Variants in TTN observed in about 807,000 individuals in gnomAD.
TTN encodes connectin.
TTN carries 1,525 observed loss-of-function variants against 3,223.0 expected under a neutral mutation model. The ratio of observed to expected loss-of-function variants is 0.47; its 90% CI spans 0.45 to 0.49. The LOEUF (loss-of-function observed/expected upper bound fraction) is 0.49. Among genes scored for constraint, TTN ranks in the 20% least tolerant of loss-of-function variants. TTN has a pLI of 0.00. For missense variants in TTN, 40,786 were observed against 43,424.0 expected, an observed-to-expected ratio of 0.94 and a Z score of 5.40; for synonymous variants, 14,094 against 15,161.0, an observed-to-expected ratio of 0.93 and a Z score of 5.17.
chr2:178,678,820 C>A lies in TTN; in HGVS notation c.33753G>T (p.Val11251=). The change falls in exon 143 of 363, where the codon GTG becomes GTT. Residue 11251 remains valine, a synonymous_variant. Coordinates refer to ENST00000589042, the MANE Select transcript of TTN (RefSeq NM_001267550.2). ...EKPPPAKVPE[V]PKKPVPEEKV... is the part of the protein sequence containing the mutation. The stretch of plus-strand genomic sequence containing the variant: ...TCTCCTCTGGCACAGGTTTCTTGGG[C>A]ACTTCAGGAACTTCAAAGATATCAA... 1.3e-6 allele frequency: 2 copies of A among 1,592,710 alleles called. No individual in the cohort carries two copies. The highest frequency in any genetic ancestry group is 8.5e-7 in the Non-Finnish European group (1 of 1,172,850).
chr2:178,550,119 C>A lies in TTN; in HGVS notation c.91719G>T (p.Met30573Ile), dbSNP rs756674702. The A allele has an allele frequency of 6.2e-7, 1 of 1,613,732 alleles. No homozygotes were observed. The highest frequency in any genetic ancestry group is 8.5e-7 in the Non-Finnish European group (1 of 1,179,768). ...DGVEIEKRMN[M>I]EITDVLGSTS... ...TGGATCCAAGTACGTCGGTTATTTC[C>A]ATATTCATCCTCTTTTCGATTTCCA... The change falls in exon 337 of 363, where the codon ATG becomes ATT. Residue 30573 changes from methionine (M) to isoleucine (I), a missense_variant. Transcript: ENST00000589042.
rs745660374 is a variant in TTN, at chr2:178,782,298, G to T, written c.3294C>A (p.Ser1098Arg). 13 of 1,613,912 alleles carry T rather than the reference G, an allele frequency of 8.1e-6. No homozygotes were observed. The highest frequency in any genetic ancestry group is 1.1e-5 in the Non-Finnish European group (13 of 1,180,004). ...PVVQKLVEGG[S>R]VVFGCQVGGN... ...CGCCAACTTGGCATCCAAACACCAC[G>T]CTCCCACCTTCCACCAGTTTCTGGA... is the stretch of plus-strand genomic sequence containing the variant. The change falls in exon 20 of 363, where the codon AGC (serine) becomes AGA (arginine). Residue 1098 changes from serine (S) to arginine (R), a missense_variant. Coordinates refer to ENST00000589042, the MANE Select transcript of TTN (RefSeq NM_001267550.2).
rs201802447 is a variant in TTN, at chr2:178,604,106, C to T, written c.54581G>A (p.Gly18194Asp). Residue 18194 changes from glycine (G) to aspartate (D), a missense_variant, in exon 282 of 363, where the codon GGT (glycine) becomes GAT (aspartate). Gly to Asp is a moderately conservative substitution (Grantham distance 94). Coordinates refer to ENST00000589042, the MANE Select transcript of TTN (RefSeq NM_001267550.2). ...CCAGTAGCCAGTAATTGGAGAGCCACCATTGTCCAAAGGAGGAGTCCAGCT... is the reference window on the plus strand; with the variant it reads ...CCAGTAGCCAGTAATTGGAGAGCCATCATTGTCCAAAGGAGGAGTCCAGCT... ...LVSWTPPLDN[G>D]GSPITGYWLE... 118 of 1,612,494 alleles carry T rather than the reference C, an allele frequency of 7.3e-5. No homozygotes were observed. The highest frequency in any genetic ancestry group is 1.6e-4 in the Middle Eastern group (1 of 6,068).
chr2:178,671,934 A>T, intron 155 of TTN, 37 bp downstream of exon 155: 1 of 1,570,988 alleles, frequency 6.4e-7, no homozygotes, highest in Non-Finnish European at 8.6e-7. Context: ...TTAGAGCAAG[A>T]TATAAGAATT....
intron 41 of TTN, 125 bp downstream of exon 41, chr2:178,766,256 C>G (rs1395833372): frequency 1.4e-5 from 11 of 788,568 alleles, no homozygotes; most frequent in Non-Finnish European, 2.4e-5. Flanking sequence ...AAAAATGTAG[C>G]TGGAACCACA....
rs1469438235 is a variant in TTN at position 178,566,924 on chromosome 2, A to T, written c.79208T>A (p.Met26403Lys). 3 of 1,613,672 alleles carry T rather than the reference A, an allele frequency of 1.9e-6. No homozygotes were observed. The Admixed American group carries it at 5.0e-5, about 27-fold the overall frequency. The stretch of plus-strand genomic sequence containing the variant: ...ATCTGGACGGTTCCAACAGACGGTC[A>T]TGGAGTCTTTGGCAATATTTGTGAC... ...LEVTNIAKDSMTVCWNRPDSD... is the reference protein window; with the variant it reads ...LEVTNIAKDSKTVCWNRPDSD... The change falls in exon 326 of 363, where the codon ATG becomes AAG. Residue 26403 changes from methionine (M) to lysine (K), a missense_variant. Transcript: ENST00000589042.
intron 264 of TTN, 31 bp downstream of exon 264, chr2:178,613,129 CG>C: frequency 6.2e-7 from 1 of 1,607,748 alleles, no homozygotes; most frequent in Non-Finnish European, 8.5e-7. Context: ...ATATGAACTT[CG>C]AAATAACCAC....
chr2:178,684,256 C>A, intron 132 of TTN, 74 bp downstream of exon 132: 2 of 1,490,822 alleles, frequency 1.3e-6, no homozygotes, highest in Non-Finnish European at 1.8e-6. Flanking sequence ...CAAAAACCAG[C>A]CCCCATAACC....
intron 47 of TTN, chr2:178,751,165 T>C (rs1279460781): frequency 1.9e-6 from 3 of 1,611,890 alleles, no homozygotes; most frequent in South Asian, 2.2e-5. Context: ...TCATGTCCTC[T>C]CTAGAGAACA....
At position 178,542,865 on chromosome 2, in the gene TTN, A is replaced by G. The variant is rs201023432; in HGVS notation, c.96989T>C (p.Ile32330Thr). 2.2e-4 allele frequency: 356 copies of G among 1,613,702 alleles called. No homozygotes were observed. Among genetic ancestry groups the G allele is most frequent in the Non-Finnish European group, 2.9e-4 (338 of 1,179,788 alleles). Reference protein sequence around the residue: ...AGRPVELVIPIAGRPPPAASW... With the variant: ...AGRPVELVIPTAGRPPPAASW... ...AGCAGCAGGAGGTGGACGGCCAGCA[A>G]TAGGTATCACCAGCTCTACTGGTCT... is the stretch of plus-strand genomic sequence containing the variant. The change falls in exon 348 of 363, where the codon ATT (isoleucine) becomes ACT (threonine). Residue 32330 changes from isoleucine to threonine, a missense_variant. Physicochemically the swap from Ile to Thr is moderately conservative, Grantham distance 89. Coordinates refer to ENST00000589042, the MANE Select transcript of TTN (RefSeq NM_001267550.2).
Position 178,713,338 on chromosome 2 carries a change from C to A in TTN, c.26796G>T (p.Leu8932Phe). 2 of 1,555,362 alleles carry A rather than the reference C, an allele frequency of 1.3e-6. No homozygotes were observed. The highest frequency in any genetic ancestry group is 8.7e-7 in the Non-Finnish European group (1 of 1,148,228). The change falls in exon 93 of 363, where the codon TTG becomes TTT. Residue 8932 changes from leucine (L) to phenylalanine (F), a missense_variant. Physicochemically the swap from Leu to Phe is conservative, Grantham distance 22. Coordinates refer to ENST00000589042, the MANE Select transcript of TTN (RefSeq NM_001267550.2). ...RTVPPSFTRK[L>F]KETNGLSGSS... ...AGCCGGATAGACCATTTGTCTCTTT[C>A]AATTTTCTTGTGAATGAAGGAGGAA...
At position 178,590,629 on chromosome 2, in the gene TTN, A is replaced by T. The variant is rs200101317; in HGVS notation, c.61096T>A (p.Cys20366Ser). ...PSPSSDPIKA[C>S]RPIKPPGPPI... ...GGTCCAGGTGGTTTGATGGGCCGGC[A>T]AGCTTTTATTGGATCAGAACTTGGG... Residue 20366 changes from cysteine to serine, a missense_variant, in exon 304 of 363, where the codon TGC (cysteine) becomes AGC (serine). Coordinates refer to ENST00000589042, the MANE Select transcript of TTN (RefSeq NM_001267550.2). The T allele has an allele frequency of 2.7e-5, 43 of 1,612,956 alleles. No individual in the cohort carries two copies. Among genetic ancestry groups the T allele is most frequent in the Admixed American group, 1.0e-4 (6 of 59,942 alleles).
Position 178,724,030 on chromosome 2 carries a change from AG to A in TTN, c.21228del (p.Trp7077GlyfsTer27). The A allele has an allele frequency of 6.2e-7, 1 of 1,613,572 alleles. No individual in the cohort carries two copies. On this transcript the variant is annotated frameshift_variant, in exon 73 of 363. Transcript: ENST00000589042. LOFTEE classifies it high-confidence loss of function. ...ACAATCTTGGTTTTCTCATGAAACC[AG>A]GCAACTGAAATAGGTGATGATCCAG... ...KVAGSSPISV[A>X]WFHEKTKIVS... is the part of the protein sequence containing the mutation.
intron 240 of TTN, among the ~76,000 whole-genome samples, chr2:178,626,581 T>C (rs1167758398): frequency 6.6e-6 from 1 of 151,934 alleles, no homozygotes; most frequent in Non-Finnish European, 1.5e-5. Flanking sequence ...TCTAAAAGTG[T>C]TTTCTTTAAT....
At position 178,602,589 on chromosome 2, in the gene TTN, A is replaced by C. The variant is rs370583314; in HGVS notation, c.54813T>G (p.Phe18271Leu). ...SDPEVAGDPI[F>L]PPGPPSCPEV... ...CTGGGCAAGAAGGTGGCCCCGGTGGAACTAATAACAAAAGAAAAAAAAAAG... is the reference window on the plus strand; with the variant it reads ...CTGGGCAAGAAGGTGGCCCCGGTGGCACTAATAACAAAAGAAAAAAAAAAG... The change falls in exon 283 of 363, where the codon TTT becomes TTG. Residue 18271 changes from phenylalanine to leucine, a missense_variant and splice_region_variant. Physicochemically the swap from Phe to Leu is conservative, Grantham distance 22. Transcript: ENST00000589042. The C allele has an allele frequency of 1.8e-5, 27 of 1,485,828 alleles. No homozygotes were observed. The Admixed American group carries it at 2.8e-4, about 15-fold the overall frequency. The allele number at this position is 1,485,828 out of a possible 1,614,324, so 92.0% of individuals were successfully genotyped here.
chr2:178,594,037 T>G lies in TTN; in HGVS notation c.58356A>C (p.Ser19452=), dbSNP rs771730469. The G allele has an allele frequency of 2.5e-6, 4 of 1,613,602 alleles. No individual in the cohort carries two copies. The Admixed American group carries it at 6.7e-5, about 27-fold the overall frequency. The change falls in exon 297 of 363, where the codon TCA becomes TCC. Residue 19452 remains serine, a synonymous_variant. Transcript: ENST00000589042. The part of the protein sequence containing the change: ...LALEKIKAKR[S]DSGKYCVVVE... ...CAACCACACAGTATTTGCCGGAATC[T>G]GAACGTTTGGCCTTGATCTTCTCTA...
rs201510986 is a variant in TTN, at chr2:178,601,784, C to T, written c.55306G>A (p.Glu18436Lys). The change falls in exon 286 of 363, where the codon GAG becomes AAG. Residue 18436 changes from glutamate (E) to lysine (K), a missense_variant. Coordinates refer to ENST00000589042, the MANE Select transcript of TTN (RefSeq NM_001267550.2). The stretch of plus-strand genomic sequence containing the variant: ...ATTACTGAGGAGTTTTCAGCAGTCT[C>T]CAGCTGTACAAAGAAAATAGTAGTC... ...VHDIPEDAQL[E>K]TAENSSVIII... is the part of the protein sequence containing the mutation. The T allele has an allele frequency of 2.5e-5, 40 of 1,603,052 alleles. No individual in the cohort carries two copies. The African/African-American group carries it at 4.7e-4, about 19-fold the overall frequency.
rs191517080 is a variant in TTN, at chr2:178,577,913, C to T, written c.68528-15G>A. 6.3e-6 allele frequency: 10 copies of T among 1,583,118 alleles called. No individual in the cohort carries two copies. The Admixed American group carries it at 1.5e-4, about 23-fold the overall frequency. ...TCCAGGAGGATCTAAAACATAAAAGCAAAACCAGTCAAACAAATACCAGTT... is the reference window on the plus strand; with the variant it reads ...TCCAGGAGGATCTAAAACATAAAAGTAAAACCAGTCAAACAAATACCAGTT... On this transcript the variant is annotated splice_polypyrimidine_tract_variant and intron_variant, in intron 322 of 362. Transcript: ENST00000589042.
In TTN at chr2:178,618,117, G is replaced by A. The variant is rs369399843; in HGVS notation, c.47270-36C>T. ...CCACAGAAGAAGAAAATATGAGTTT[G>A]GGGTAACGATGATGAAGGCAAAGAC... On this transcript the variant is annotated intron_variant, in intron 252 of 362. Coordinates refer to ENST00000589042, the MANE Select transcript of TTN (RefSeq NM_001267550.2). 8 of 1,610,256 alleles carry A rather than the reference G, an allele frequency of 5.0e-6. No individual in the cohort carries two copies. The African/African-American group carries it at 1.1e-4, about 22-fold the overall frequency.
Sources: gnomAD v4.1 joint callset for allele counts (sites outside exome capture counted in the v4.1 genomes callset) on GRCh38, gnomAD v4.1.1 for gene constraint, MANE v1.5 for transcripts, NCBI Gene and HGNC (gene_info 2026-07-23, HGNC 2026-07-21) for gene names.